The following ARHGEF28 variants were observed in gnomAD, a reference collection of about 807,000 sequenced individuals.
ARHGEF28 encodes Rho guanine nucleotide exchange factor 28.
A neutral mutation model predicts 206.6 loss-of-function variants in ARHGEF28; 152 were observed. The ratio of observed to expected loss-of-function variants is 0.74; its 90% CI spans 0.64 to 0.84. ARHGEF28 has a LOEUF of 0.84. Among genes scored for constraint, ARHGEF28 ranks in the 40% least tolerant of loss-of-function variants. The pLI is 0.00. For missense variants in ARHGEF28, 2,028 were observed against 2,073.2 expected (o/e 0.98, Z 0.42); for synonymous variants, 763 against 776.4 (o/e 0.98, Z 0.29).
chr5:73,692,610 C>G (rs1747901522), intron 2 of ARHGEF28, among the ~76,000 whole-genome samples: 1 of 152,196 alleles, frequency 6.6e-6, no homozygotes, highest in African/African-American at 2.4e-5. Context: ...GGGGGAAACT[C>G]TATCCTATTC....
At chr5:73,739,130 C>CT (rs5868691) in intron 2 of ARHGEF28, among the ~76,000 whole-genome samples, 37,470 of 149,694 alleles carry the variant, frequency 0.25, 4,891 homozygotes, top group Non-Finnish European at 0.3. Flanking sequence ...AAAAGGAAAC[C>CT]TTTTTTTTTT....
intron 1 of ARHGEF28, among the ~76,000 whole-genome samples, chr5:73,632,384 C>G (rs13174434): frequency 0.39 from 58,929 of 152,046 alleles, 12,581 homozygotes; most frequent in Admixed American, 0.55. Context: ...AAGTTTTTCT[C>G]TAGTCTCCAG....
chr5:73,825,785 G>A (rs896882909), intron 9 of ARHGEF28, among the ~76,000 whole-genome samples: 7 of 152,108 alleles, frequency 4.6e-5, no homozygotes, highest in African/African-American at 1.7e-4. Flanking sequence ...CATTTTTTGG[G>A]AGGAGAAGCT....
At chr5:73,926,115 G>A (rs920876346) in intron 35 of ARHGEF28, among the ~76,000 whole-genome samples, 37 of 152,216 alleles carry the variant, frequency 2.4e-4, no homozygotes, top group African/African-American at 7.5e-4. Flanking sequence ...TCCAGCCCAG[G>A]GCAGGGCACA....
At chr5:73,741,498 C>T in intron 2 of ARHGEF28, among the ~76,000 whole-genome samples, 1 of 147,668 alleles carries the variant, frequency 6.8e-6, no homozygotes, top group East Asian at 2.0e-4. Context: ...TGGCTCACTG[C>T]AACCTCTGCC....
intron 14 of ARHGEF28, among the ~76,000 whole-genome samples, chr5:73,855,758 G>A (rs952728482): frequency 6.6e-6 from 1 of 151,958 alleles, no homozygotes; most frequent in African/African-American, 2.4e-5. Flanking sequence ...TTAAAGTGTC[G>A]TGTTGTAGAA....
intron 35 of ARHGEF28, among the ~76,000 whole-genome samples, chr5:73,939,721 G>A (rs1742476186): frequency 6.6e-6 from 1 of 152,204 alleles, no homozygotes; most frequent in South Asian, 2.1e-4. Context: ...GCCAAGCCTT[G>A]CTTACTGCCT....
chr5:73,701,584 T>C (rs1011367674), intron 2 of ARHGEF28, among the ~76,000 whole-genome samples: 23 of 152,168 alleles, frequency 1.5e-4, no homozygotes, highest in African/African-American at 2.4e-5. Flanking sequence ...GTAGATAAAC[T>C]ATGGGACATA....
chr5:73,857,279 C>A (rs750001180), intron 14 of ARHGEF28, among the ~76,000 whole-genome samples: 21 of 152,094 alleles, frequency 1.4e-4, no homozygotes, highest in Non-Finnish European at 2.8e-4. Flanking sequence ...TTCTTACTAG[C>A]ATAGTAAACA....
intron 20 of ARHGEF28, among the ~76,000 whole-genome samples, chr5:73,869,647 C>T (rs1205601227): frequency 2.0e-5 from 3 of 152,196 alleles, no homozygotes; most frequent in Admixed American, 6.5e-5. Flanking sequence ...TGGCTCAGGC[C>T]TGTAATCCCA....
chr5:73,749,953 C>T lies in ARHGEF28; in HGVS notation c.150C>T (p.Ile50=), dbSNP rs529728599. The T allele has an allele frequency of 1.5e-5, 25 of 1,613,952 alleles. No homozygotes were observed. In the East Asian group the frequency reaches 3.6e-4, roughly 23 times the overall value. ...GACATGTCATGATTGCAGAGCGCAT[C>T]GAGGATAACGTTCTCCAGTCCAGCG... is the stretch of plus-strand genomic sequence containing the variant. ...HQRHVMIAER[I]EDNVLQSSVP... is the part of the protein sequence containing the mutation. Residue 50 remains isoleucine (I), a synonymous_variant, in exon 3 of 36, where the codon ATC becomes ATT. Transcript: ENST00000513042.
At chr5:73,901,388 T>C in intron 31 of ARHGEF28, 104 bp downstream of exon 31, 2 of 824,706 alleles carry the variant, frequency 2.4e-6, no homozygotes, top group South Asian at 1.7e-5. Context: ...AAGGTGCTTT[T>C]CTGAATTGTT....
At chr5:73,705,900 G>T (rs1190253734) in intron 2 of ARHGEF28, among the ~76,000 whole-genome samples, 1 of 152,200 alleles carries the variant, frequency 6.6e-6, no homozygotes, top group Non-Finnish European at 1.5e-5. Flanking sequence ...GTGCAAACCA[G>T]TGACTCCCTG....
intron 2 of ARHGEF28, among the ~76,000 whole-genome samples, chr5:73,716,416 CT>C (rs1293640765): frequency 6.6e-6 from 1 of 152,054 alleles, no homozygotes; most frequent in Non-Finnish European, 1.5e-5. Context: ...CTGGATTTTG[CT>C]TATGTTTGTT....
chr5:73,881,392 C>T lies in ARHGEF28; in HGVS notation c.2815-1080C>T, dbSNP rs532722950. On this transcript the variant is annotated intron_variant, in intron 22 of 35. Transcript: ENST00000513042. The stretch of plus-strand genomic sequence containing the variant: ...TGTATATCAGTTTGAAGAAAATTGA[C>T]ATCTTTACTATTTTGAGTCTTCTAA... Among the ~76,000 whole-genome samples, 6 of 152,250 alleles carry T rather than the reference C, an allele frequency of 3.9e-5. No homozygotes were observed. In the South Asian group the frequency reaches 1.2e-3, roughly 32 times the overall value.
chr5:73,798,753 G>GGGTC (rs1452227454), intron 9 of ARHGEF28, among the ~76,000 whole-genome samples: 1 of 152,168 alleles, frequency 6.6e-6, no homozygotes, highest in Non-Finnish European at 1.5e-5. Flanking sequence ...AAGAAAAAAA[G>GGGTC]GGTCTACTTG....
rs367926580 is a variant in ARHGEF28 at position 73,712,020 on chromosome 5, G to C, written c.33+27136G>C. Among the ~76,000 whole-genome samples, 4 of 151,582 alleles carry C rather than the reference G, an allele frequency of 2.6e-5. No individual in the cohort carries two copies. The South Asian group carries it at 8.4e-4, about 32-fold the overall frequency. The stretch of plus-strand genomic sequence containing the variant: ...AAATTATGAACAAATGTTGAATTTT[G>C]TAATGCTTTTCCTGCATCTATTAGA... On this transcript the variant is annotated intron_variant, in intron 2 of 35. Coordinates refer to ENST00000513042, the MANE Select transcript of ARHGEF28 (RefSeq NM_001177693.2).
At chr5:73,788,663 G>C (rs1273825336) in intron 7 of ARHGEF28, among the ~76,000 whole-genome samples, 1 of 152,134 alleles carries the variant, frequency 6.6e-6, no homozygotes, top group Non-Finnish European at 1.5e-5. Context: ...TGAGTAGGCT[G>C]AGGAGCAGGA....
intron 2 of ARHGEF28, among the ~76,000 whole-genome samples, chr5:73,719,758 G>A (rs1313578071): frequency 2.6e-5 from 4 of 152,258 alleles, no homozygotes; most frequent in Non-Finnish European, 5.9e-5. Flanking sequence ...TATGTGCATA[G>A]CACTGTAGTA....
Sources: gnomAD v4.1 joint callset for allele counts (sites outside exome capture counted in the v4.1 genomes callset) on GRCh38, gnomAD v4.1.1 for gene constraint, MANE v1.5 for transcripts, NCBI Gene and HGNC (gene_info 2026-07-23, HGNC 2026-07-21) for gene names.